Variants in CACYBP observed in about 807,000 individuals in gnomAD.
CACYBP encodes calcyclin-binding protein.
A neutral mutation model predicts 29.6 loss-of-function variants in CACYBP; 11 were observed. The observed-to-expected ratio is 0.37, with a 90% CI of 0.23 to 0.61. CACYBP has a LOEUF of 0.61. Among genes scored for constraint, CACYBP ranks in the 20% least tolerant of loss-of-function variants. The pLI is 0.65. For missense variants in CACYBP, 163 were observed against 260.7 expected, an observed-to-expected ratio of 0.63 and a Z score of 2.58; for synonymous variants, 73 against 88.3, an observed-to-expected ratio of 0.83 and a Z score of 0.97.
At chr1:175,009,847 C>A in intron 5 of CACYBP, 76 bp from the exon 6 acceptor site, 1 of 1,138,668 alleles carries the variant, frequency 8.8e-7, no homozygotes, top group Non-Finnish European at 1.3e-6. Context: ...TACTTCCTGC[C>A]AGTGTTAACA....
intron 1 of CACYBP, 115 bp downstream of exon 1, chr1:175,000,310 C>T: frequency 6.7e-7 from 1 of 1,498,522 alleles, no homozygotes; most frequent in South Asian, 1.3e-5. Context: ...CGGTCCCGCG[C>T]CAGTCAGTGC....
chr1:175,008,807 T>C (rs551544326), intron 5 of CACYBP, 101 bp downstream of exon 5: 2 of 695,986 alleles, frequency 2.9e-6, no homozygotes, highest in South Asian at 1.6e-5. Context: ...TGCTTTCAAC[T>C]GTCAAACTAC....
In CACYBP at chr1:175,000,099, T is replaced by G; in HGVS notation, c.-82T>G. On this transcript the variant is annotated 5_prime_UTR_variant, in exon 1 of 6. Coordinates refer to ENST00000367679, the MANE Select transcript of CACYBP (RefSeq NM_014412.3). ...GACTCGTGCGGGTAGGCGTCTGCGC[T>G]CGGTTTGAGGGCTCGGCGCGGGGTT... is the stretch of plus-strand genomic sequence containing the variant. 1.9e-6 allele frequency: 3 copies of G among 1,546,776 alleles called. No individual in the cohort carries two copies. The highest frequency in any genetic ancestry group is 1.8e-6 in the Non-Finnish European group (2 of 1,141,408).
intron 1 of CACYBP, among the ~76,000 whole-genome samples, chr1:175,002,202 G>A (rs1672509234): frequency 1.3e-5 from 2 of 152,222 alleles, no homozygotes; most frequent in Admixed American, 6.5e-5. Context: ...ACTGTTTCCA[G>A]AGTGGTTGCA....
chr1:175,000,815 T>G (rs1345205101), intron 1 of CACYBP, among the ~76,000 whole-genome samples: 1 of 152,212 alleles, frequency 6.6e-6, no homozygotes, highest in Non-Finnish European at 1.5e-5. Context: ...CTTGGAAAGT[T>G]AGTTGTAATT....
At chr1:175,006,988 C>A in intron 3 of CACYBP, 110 bp from the exon 4 acceptor site, 2 of 859,576 alleles carry the variant, frequency 2.3e-6, no homozygotes, top group African/African-American at 1.7e-5. Context: ...CGTTAACTGG[C>A]CAAATGCACA....
intron 1 of CACYBP, among the ~76,000 whole-genome samples, chr1:175,000,828 TAGTA>T (rs1197004263): frequency 9.8e-5 from 15 of 152,360 alleles, no homozygotes; most frequent in East Asian, 5.8e-4. Flanking sequence ...TTGTAATTAA[TAGTA>T]AGAAAGCGAA....
In CACYBP at chr1:175,000,124, TTC is replaced by T; in HGVS notation, c.-56_-55del. 6.3e-7 allele frequency: 1 copy of T among 1,575,788 alleles called. No individual in the cohort carries two copies. Among genetic ancestry groups the T allele is most frequent in the Non-Finnish European group, 8.6e-7 (1 of 1,160,160 alleles). The stretch of plus-strand genomic sequence containing the variant: ...TCGGTTTGAGGGCTCGGCGCGGGGT[TTC>T]CTGTTCCTCCTTCTGCGCGGCTGCA... On this transcript the variant is annotated 5_prime_UTR_variant, in exon 1 of 6. Coordinates refer to ENST00000367679, the MANE Select transcript of CACYBP (RefSeq NM_014412.3).
At chr1:175,003,613 CTT>C (rs1391346665) in intron 1 of CACYBP, among the ~76,000 whole-genome samples, 6 of 152,168 alleles carry the variant, frequency 3.9e-5, no homozygotes, top group African/African-American at 1.4e-4. Flanking sequence ...CACTAAAAGA[CTT>C]TTTTAAATTG....
intron 1 of CACYBP, among the ~76,000 whole-genome samples, chr1:175,001,108 TGAA>T (rs745942027): frequency 6.6e-6 from 1 of 152,224 alleles, no homozygotes; most frequent in Non-Finnish European, 1.5e-5. Context: ...TTTCTTTAAA[TGAA>T]GAAAAACTAT....
At chr1:175,009,242 A>G (rs1157455901) in intron 5 of CACYBP, among the ~76,000 whole-genome samples, 1 of 152,184 alleles carries the variant, frequency 6.6e-6, no homozygotes, top group Middle Eastern at 3.2e-3. Context: ...GGGTACATCC[A>G]TGTGTAATGT....
upstream of CACYBP, chr1:174,999,801 A>C (rs576845016): frequency 2.8e-5 from 11 of 388,434 alleles, no homozygotes; most frequent in African/African-American, 2.0e-4. Flanking sequence ...GGAGAGCAAG[A>C]CATTACTCTT....
chr1:174,999,896 G>C (rs2149408938), upstream of CACYBP: 1 of 530,766 alleles, frequency 1.9e-6, no homozygotes, highest in South Asian at 2.2e-5. Flanking sequence ...GGGGCGGGGA[G>C]GGGTGGGGCT....
At chr1:175,001,599 G>A (rs769190688) in intron 1 of CACYBP, among the ~76,000 whole-genome samples, 1 of 152,084 alleles carries the variant, frequency 6.6e-6, no homozygotes, top group Non-Finnish European at 1.5e-5. Context: ...TTTGTTTTTT[G>A]GCTCCTTCAA....
intron 1 of CACYBP, among the ~76,000 whole-genome samples, chr1:175,001,362 A>C (rs917599725): frequency 6.6e-6 from 1 of 152,214 alleles, no homozygotes; most frequent in Non-Finnish European, 1.5e-5. Flanking sequence ...TAAAGTGTAC[A>C]ATTCAGGTAT....
chr1:175,002,116 T>G (rs1026235233), intron 1 of CACYBP, among the ~76,000 whole-genome samples: 8 of 152,192 alleles, frequency 5.3e-5, no homozygotes, highest in Non-Finnish European at 1.0e-4. Flanking sequence ...TGTGTGGATG[T>G]GTTTTCAGTT....
intron 1 of CACYBP, 58 bp downstream of exon 1, chr1:175,000,253 T>C: frequency 1.3e-6 from 2 of 1,556,082 alleles, no homozygotes; most frequent in African/African-American, 1.4e-5. Flanking sequence ...AGCGCCAGCC[T>C]CCCGCCCTAC....
intron 2 of CACYBP, 143 bp downstream of exon 2, chr1:175,004,976 T>A (rs903319178): frequency 1.4e-6 from 1 of 699,852 alleles, no homozygotes; most frequent in African/African-American, 1.8e-5. Flanking sequence ...TTAATAAAAC[T>A]TTTTTAAGAT....
rs1456720377 is a variant in CACYBP at position 175,011,163 on chromosome 1, A to T, written c.*1084A>T. ...ACACAGGAAAAATCCAGAAGGGTAAACTAAACTAAAGCTACAATTAATATG... is the reference window on the plus strand; with the variant it reads ...ACACAGGAAAAATCCAGAAGGGTAATCTAAACTAAAGCTACAATTAATATG... On this transcript the variant is annotated 3_prime_UTR_variant, in exon 6 of 6. Transcript: ENST00000367679. 1 of 151,922 alleles carries T rather than the reference A, an allele frequency of 6.6e-6. No individual in the cohort carries two copies. The highest frequency in any genetic ancestry group is 2.4e-5 in the African/African-American group (1 of 41,334). The allele number at this position is 151,922 out of a possible 1,614,324, so 9.4% of individuals were successfully genotyped here. A position where few individuals can be genotyped will look rare whatever the true frequency, so the allele number is the denominator to read the frequency against.
Sources: allele counts gnomAD v4.1 joint callset (sites outside exome capture counted in the v4.1 genomes callset), GRCh38; gene constraint gnomAD v4.1.1; transcripts MANE v1.5; gene names NCBI Gene and HGNC (gene_info 2026-07-23, HGNC 2026-07-21).